The following PLA2R1 variants were observed in gnomAD, a reference collection of about 807,000 sequenced individuals.
The protein encoded by PLA2R1 is secretory phospholipase A2 receptor.
In PLA2R1, 158 loss-of-function variants were observed where a neutral mutation model predicts 195.9. The observed-to-expected ratio is 0.81, with a 90% CI of 0.71 to 0.92. PLA2R1 has a LOEUF of 0.92. PLA2R1 is among the 40% of genes least tolerant of loss of function. The pLI is 0.00. For missense variants in PLA2R1, 1,626 were observed against 1,764.6 expected (o/e 0.92, Z 1.41); for synonymous variants, 586 against 598.2 (o/e 0.98, Z 0.30).
intron 6 of PLA2R1, among the ~76,000 whole-genome samples, chr2:160,026,668 C>T (rs2666990): frequency 0.89 from 135,113 of 152,216 alleles, 60,336 homozygotes; most frequent in East Asian, 0.99. Context: ...AAGAACGAAT[C>T]TAGTTAAACT....
At chr2:160,052,602 G>A (rs1695279081) in intron 1 of PLA2R1, among the ~76,000 whole-genome samples, 1 of 152,172 alleles carries the variant, frequency 6.6e-6, no homozygotes. Flanking sequence ...TATTGACTCT[G>A]TTGAAAATAT....
chr2:159,975,249 C>T (rs999325176), intron 17 of PLA2R1, among the ~76,000 whole-genome samples: 1 of 151,982 alleles, frequency 6.6e-6, no homozygotes, highest in African/African-American at 2.4e-5. Context: ...GTATATATAT[C>T]TAGCCTTTTT....
Position 160,007,159 on chromosome 2 carries a change from G to A in PLA2R1, c.1665-1338C>T, listed in dbSNP as rs151307426. ...ACCTTATATAAATGTGCTTCAAAAGGAACATATAGAAGACTAAATATTGCC... is the reference window on the plus strand; with the variant it reads ...ACCTTATATAAATGTGCTTCAAAAGAAACATATAGAAGACTAAATATTGCC... On this transcript the variant is annotated intron_variant, in intron 10 of 29. Transcript: ENST00000283243. Among the ~76,000 whole-genome samples, 835 of 152,222 alleles carry A rather than the reference G, an allele frequency of 5.5e-3. 6 individuals are homozygous for A. Among genetic ancestry groups the A allele is most frequent in the African/African-American group, 0.019 (801 of 41,518 alleles).
rs185049465 is a variant in PLA2R1 at position 160,020,207 on chromosome 2, C to G, written c.1351G>C (p.Glu451Gln). 5.0e-5 allele frequency: 81 copies of G among 1,611,568 alleles called. No homozygotes were observed. In the East Asian group the frequency reaches 1.7e-3, roughly 33 times the overall value. ...LSSNKIPVSFEWSNDSSVIFT... is the reference protein window; with the variant it reads ...LSSNKIPVSFQWSNDSSVIFT... Reference sequence around the variant, plus strand: ...ATGACTGAAGAGTCATTAGACCATTCAAAGGAAACTGGAATTTTATTGCTG... The same window carrying G: ...ATGACTGAAGAGTCATTAGACCATTGAAAGGAAACTGGAATTTTATTGCTG... The change falls in exon 8 of 30, where the codon GAA becomes CAA. Residue 451 changes from glutamate to glutamine, a missense_variant. Physicochemically the swap from Glu to Gln is conservative, Grantham distance 29. Transcript: ENST00000283243.
At chr2:159,953,483 T>G (rs890256119) in intron 23 of PLA2R1, among the ~76,000 whole-genome samples, 1 of 152,252 alleles carries the variant, frequency 6.6e-6, no homozygotes, top group Non-Finnish European at 1.5e-5. Flanking sequence ...TATCGTTTGT[T>G]AAATATATGC....
chr2:159,968,975 GCATATATTTCTTTAAAGTTT>G (rs1399385638), intron 19 of PLA2R1, among the ~76,000 whole-genome samples: 2 of 152,040 alleles, frequency 1.3e-5, no homozygotes, highest in African/African-American at 4.8e-5. Context: ...TATTTGTCAG[GCATATATTTCTTTAAAGTTT>G]CATTGGGCCC....
intron 1 of PLA2R1, among the ~76,000 whole-genome samples, chr2:160,055,265 C>G (rs764073227): frequency 2.0e-5 from 3 of 152,012 alleles, no homozygotes; most frequent in Non-Finnish European, 4.4e-5. Context: ...GGAAGAAATG[C>G]GAGGGATGAC....
At chr2:160,034,529 G>C (rs1694054181) in intron 3 of PLA2R1, among the ~76,000 whole-genome samples, 1 of 152,178 alleles carries the variant, frequency 6.6e-6, no homozygotes, top group East Asian at 1.9e-4. Context: ...CCCTGAGAAG[G>C]ACAATATACT....
chr2:160,016,109 CA>C (rs1296305272), intron 9 of PLA2R1, among the ~76,000 whole-genome samples: 1 of 151,826 alleles, frequency 6.6e-6, no homozygotes, highest in East Asian at 1.9e-4. Flanking sequence ...ACTAAAAATA[CA>C]AAAATTAGCC....
In PLA2R1 at chr2:159,951,422, G is replaced by T. The variant is rs142578163; in HGVS notation, c.3458C>A (p.Thr1153Lys). ...GAGGAAGGACTGGTGATACTGGTCT[G>T]TGATGCTGACCAGTTGTGCTTTGTG... ...LMHKAQLVSI[T>K]DQYHQSFLTV... is the part of the protein sequence containing the mutation. Residue 1153 changes from threonine (T) to lysine (K), a missense_variant, in exon 24 of 30, where the codon ACA (threonine) becomes AAA (lysine). By Grantham distance (78) the Thr-to-Lys change is moderately conservative (BLOSUM62 -1). Coordinates refer to ENST00000283243, the MANE Select transcript of PLA2R1 (RefSeq NM_007366.5). 2.5e-6 allele frequency: 4 copies of T among 1,613,912 alleles called. No individual in the cohort carries two copies. The highest frequency in any genetic ancestry group is 3.4e-6 in the Non-Finnish European group (4 of 1,179,814).
intron 18 of PLA2R1, 86 bp downstream of exon 18, chr2:159,970,062 C>T: frequency 1.2e-6 from 1 of 862,520 alleles, no homozygotes. Context: ...GGGTATTCAA[C>T]AAATTGATCA....
At chr2:160,027,333 G>C (rs1693587366) in intron 6 of PLA2R1, among the ~76,000 whole-genome samples, 1 of 151,946 alleles carries the variant, frequency 6.6e-6, no homozygotes, top group African/African-American at 2.4e-5. Context: ...ACGGAGAAAG[G>C]AATATGAAAG....
intron 11 of PLA2R1, among the ~76,000 whole-genome samples, chr2:160,002,807 T>C (rs928299243): frequency 7.9e-5 from 12 of 152,084 alleles, no homozygotes; most frequent in African/African-American, 2.9e-4. Context: ...TTTACTACTG[T>C]AAAGCAATTT....
rs909826137 is a variant in PLA2R1 at position 159,939,314 on chromosome 2, T to A, written c.*2464A>T. ...CGAGATCAGGAGATCGAGACCATCCTGGACAACATGGTGAAACCCTGTCTC... is the reference window on the plus strand; with the variant it reads ...CGAGATCAGGAGATCGAGACCATCCAGGACAACATGGTGAAACCCTGTCTC... On this transcript the variant is annotated 3_prime_UTR_variant, in exon 30 of 30. Coordinates refer to ENST00000283243, the MANE Select transcript of PLA2R1 (RefSeq NM_007366.5). The A allele has an allele frequency of 6.6e-6, 1 of 152,030 alleles. No homozygotes were observed. Among genetic ancestry groups the A allele is most frequent in the East Asian group, 1.9e-4 (1 of 5,190 alleles). The allele number at this position is 152,030 out of a possible 1,614,324, so 9.4% of individuals were successfully genotyped here. A position where few individuals can be genotyped will look rare whatever the true frequency, so the allele number is the denominator to read the frequency against.
chr2:160,047,660 G>A (rs1021095345), intron 1 of PLA2R1, among the ~76,000 whole-genome samples: 2 of 152,202 alleles, frequency 1.3e-5, no homozygotes, highest in African/African-American at 4.8e-5. Context: ...GCCTTCATCT[G>A]TTGATTTTCT....
chr2:160,055,118 C>A (rs979070498), intron 1 of PLA2R1, among the ~76,000 whole-genome samples: 5 of 151,908 alleles, frequency 3.3e-5, no homozygotes, highest in Non-Finnish European at 7.4e-5. Context: ...ACTGTGACAA[C>A]CAACAATAGG....
chr2:160,016,535 T>G, intron 9 of PLA2R1, 79 bp downstream of exon 9: 1 of 731,248 alleles, frequency 1.4e-6, no homozygotes, highest in Admixed American at 2.1e-5. Flanking sequence ...GAAAGAGAAA[T>G]TCACTTCAAA....
At chr2:160,044,077 A>G (rs534465798) in intron 2 of PLA2R1, among the ~76,000 whole-genome samples, 1 of 152,300 alleles carries the variant, frequency 6.6e-6, no homozygotes, top group South Asian at 2.1e-4. Context: ...GGATGGATGG[A>G]TAGAGTGAGC....
At chr2:159,924,733 G>GT in the PLA2R1 span, among the ~76,000 whole-genome samples, 3 of 143,220 alleles carry the variant, frequency 2.1e-5, no homozygotes. Flanking sequence ...GGGGGCTGGG[G>GT]GGGGGGCGGT....
Sources: allele counts gnomAD v4.1 joint callset (sites outside exome capture counted in the v4.1 genomes callset), GRCh38; gene constraint gnomAD v4.1.1; transcripts MANE v1.5; gene names NCBI Gene and HGNC (gene_info 2026-07-23, HGNC 2026-07-21).